The following PDE1C variants were observed in gnomAD, a reference collection of about 807,000 sequenced individuals.
PDE1C encodes phosphodiesterase 1C, also known as dual specificity calcium/calmodulin-dependent 3',5'-cyclic nucleotide phosphodiesterase 1C.
PDE1C carries 62 observed loss-of-function variants against 93.1 expected under a neutral mutation model. That is an observed-to-expected ratio of 0.67 (90% CI 0.54 to 0.82). The LOEUF (loss-of-function observed/expected upper bound fraction) is 0.82, where lower values mean the gene tolerates loss of function less well. PDE1C is among the 40% of genes least tolerant of loss of function. The pLI is 0.00. For synonymous variants in PDE1C, 325 were observed against 310.1 expected (o/e 1.05, Z -0.50); for missense variants, 742 against 884.6 (o/e 0.84, Z 2.04).
intron 16 of PDE1C, among the ~76,000 whole-genome samples, chr7:31,778,156 G>A (rs577364017): frequency 2.0e-5 from 3 of 152,250 alleles, no homozygotes; most frequent in East Asian, 1.9e-4. Context: ...AAAGATTTAC[G>A]CAAAGTGATA....
chr7:32,267,851 C>T (rs1343886138), intron 1 of PDE1C, among the ~76,000 whole-genome samples: 2 of 152,168 alleles, frequency 1.3e-5, no homozygotes, highest in Non-Finnish European at 2.9e-5. Flanking sequence ...CATACAGGCA[C>T]TTTACAGGGA....
chr7:31,864,887 T>A (rs894276081), intron 7 of PDE1C, 55 bp downstream of exon 7: 1 of 1,571,336 alleles, frequency 6.4e-7, no homozygotes, highest in African/African-American at 1.3e-5. Flanking sequence ...CAGTCACCAT[T>A]AAAAACTCAT....
chr7:31,862,876 C>A (rs1321382713), intron 7 of PDE1C, among the ~76,000 whole-genome samples: 3 of 152,170 alleles, frequency 2.0e-5, no homozygotes, highest in African/African-American at 7.2e-5. Flanking sequence ...AGCACATGCT[C>A]AGCTTCAGTA....
At chr7:31,867,284 G>A (rs948148158) in intron 6 of PDE1C, among the ~76,000 whole-genome samples, 4 of 152,082 alleles carry the variant, frequency 2.6e-5, no homozygotes, top group Admixed American at 6.5e-5. Flanking sequence ...CACAAGTGAA[G>A]TGCATGCTCC....
chr7:31,857,497 T>TA (rs1305084481), intron 7 of PDE1C, among the ~76,000 whole-genome samples: 1 of 152,192 alleles, frequency 6.6e-6, no homozygotes, highest in Non-Finnish European at 1.5e-5. Flanking sequence ...CTTATCTTCT[T>TA]ACCTGGATTT....
At chr7:32,035,385 A>T (rs1178178676) in intron 2 of PDE1C, among the ~76,000 whole-genome samples, 1 of 152,018 alleles carries the variant, frequency 6.6e-6, no homozygotes, top group Non-Finnish European at 1.5e-5. Flanking sequence ...CTCCTGACCA[A>T]ATTGGCCAGA....
chr7:32,145,639 T>C lies in PDE1C; in HGVS notation c.308+24146A>G, dbSNP rs537145152. 2.0e-5 allele frequency among the ~76,000 whole-genome samples: 3 copies of C among 152,320 alleles called. 1 individual carries two copies. The South Asian group carries it at 6.2e-4, about 32-fold the overall frequency. On this transcript the variant is annotated intron_variant, in intron 3 of 18. Transcript: ENST00000396193. ...CACTAATGATGCCTATAATTATAATTATTACAAAATTATTATTATTACTAA... is the reference window on the plus strand; with the variant it reads ...CACTAATGATGCCTATAATTATAATCATTACAAAATTATTATTATTACTAA...
intron 3 of PDE1C, among the ~76,000 whole-genome samples, chr7:32,116,149 C>T (rs909265656): frequency 1.3e-5 from 2 of 152,176 alleles, no homozygotes; most frequent in African/African-American, 2.4e-5. Flanking sequence ...ATGACACTTC[C>T]GTGGGATGGA....
chr7:31,995,424 G>A (rs1784604989), intron 2 of PDE1C, among the ~76,000 whole-genome samples: 1 of 151,728 alleles, frequency 6.6e-6, no homozygotes, highest in African/African-American at 2.4e-5. Flanking sequence ...ATGCCCAGAA[G>A]CCCTGTTTTA....
At chr7:31,640,246 T>TTCCCTA in the PDE1C span, among the ~76,000 whole-genome samples, 2 of 152,196 alleles carry the variant, frequency 1.3e-5, no homozygotes, top group African/African-American at 4.8e-5. Context: ...GGTGGGCACA[T>TTCCCTA]TCCCTATTCC....
At chr7:31,664,853 CATA>C in the PDE1C span, among the ~76,000 whole-genome samples, 1 of 152,164 alleles carries the variant, frequency 6.6e-6, no homozygotes, top group Non-Finnish European at 1.5e-5. Context: ...AATGTAGTAT[CATA>C]ATAATAGTTA....
Position 32,408,606 on chromosome 7 carries a change from T to C in PDE1C, c.310+19216A>G, listed in dbSNP as rs190134147. Among the ~76,000 whole-genome samples the C allele has an allele frequency of 4.9e-3, 740 of 152,240 alleles. 5 individuals are homozygous for C. The highest frequency in any genetic ancestry group is 7.9e-3 in the Non-Finnish European group (535 of 68,002). On this transcript the variant is annotated intron_variant, in intron 1 of 1. Coordinates refer to the PDE1C transcript ENST00000672256. ...TAGTTCGAGACCAGCCTAGCCAACA[T>C]GGGGAAACCCCATCTCTACTAAAAA... is the stretch of plus-strand genomic sequence containing the variant.
chr7:31,889,327 ATG>A (rs1235690105), intron 2 of PDE1C, among the ~76,000 whole-genome samples: 1 of 152,206 alleles, frequency 6.6e-6, no homozygotes, highest in Non-Finnish European at 1.5e-5. Context: ...ATGTGTGAGG[ATG>A]TGCATATGTA....
chr7:32,194,099 A>G (rs898274603), intron 2 of PDE1C, among the ~76,000 whole-genome samples: 1 of 151,906 alleles, frequency 6.6e-6, no homozygotes, highest in African/African-American at 2.4e-5. Context: ...TATTTTTAGT[A>G]GAGACAGGGT....
chr7:32,365,431 A>G (rs1784211356), intron 1 of PDE1C, among the ~76,000 whole-genome samples: 1 of 152,156 alleles, frequency 6.6e-6, no homozygotes, highest in South Asian at 2.1e-4. Context: ...CAGGCCAGCC[A>G]AGTACTGTGA....
chr7:32,223,255 C>T (rs540484643), intron 1 of PDE1C, among the ~76,000 whole-genome samples: 1 of 152,218 alleles, frequency 6.6e-6, no homozygotes, highest in East Asian at 1.9e-4. Context: ...TGCTATGCTG[C>T]TGGTACTAAG....
chr7:31,965,456 T>C (rs1297765069), intron 2 of PDE1C, among the ~76,000 whole-genome samples: 1 of 152,158 alleles, frequency 6.6e-6, no homozygotes, highest in Admixed American at 6.5e-5. Flanking sequence ...TATGGGACTA[T>C]GTGAAAAGAC....
intron 2 of PDE1C, among the ~76,000 whole-genome samples, chr7:31,982,760 CAT>C (rs1434039290): frequency 4.6e-5 from 7 of 151,232 alleles, no homozygotes; most frequent in Admixed American, 1.3e-4. Context: ...AACTTGCCCA[CAT>C]GTTTGAAAAA....
chr7:31,977,921 T>C (rs180787437), intron 2 of PDE1C, among the ~76,000 whole-genome samples: 39 of 152,330 alleles, frequency 2.6e-4, no homozygotes, highest in Admixed American at 1.7e-3. Context: ...GGCCAGTCCT[T>C]GGGCTAAATC....
Sources: gnomAD v4.1 joint callset for allele counts (sites outside exome capture counted in the v4.1 genomes callset) on GRCh38, gnomAD v4.1.1 for gene constraint, MANE v1.5 for transcripts, NCBI Gene and HGNC (gene_info 2026-07-23, HGNC 2026-07-21) for gene names.